ARFGEF3: variants seen among roughly 807,000 people sequenced by gnomAD.
ARFGEF3 encodes ARFGEF family member 3.
ARFGEF3 carries 96 observed loss-of-function variants against 221.7 expected under a neutral mutation model. That is an observed-to-expected ratio of 0.43 (90% confidence interval 0.37 to 0.51). The LOEUF (loss-of-function observed/expected upper bound fraction) is 0.51. Among genes scored for constraint, ARFGEF3 ranks in the 20% least tolerant of loss-of-function variants. ARFGEF3 has a pLI of 0.00. For missense variants in ARFGEF3, 2,410 were observed against 2,789.9 expected, an observed-to-expected ratio of 0.86 and a Z score of 3.07; for synonymous variants, 1,145 against 1,126.8, an observed-to-expected ratio of 1.02 and a Z score of -0.32.
intron 32 of ARFGEF3, among the ~76,000 whole-genome samples, chr6:138,331,837 A>C (rs1780233813): frequency 6.6e-6 from 1 of 152,238 alleles, no homozygotes; most frequent in Non-Finnish European, 1.5e-5. Context: ...TTGCATATCT[A>C]TAAAATTGTT....
intron 17 of ARFGEF3, among the ~76,000 whole-genome samples, chr6:138,288,047 C>A (rs956914696): frequency 4.0e-5 from 6 of 150,554 alleles, no homozygotes; most frequent in South Asian, 2.1e-4. Context: ...AAAAAAAAAA[C>A]CACAAAACCA....
intron 22 of ARFGEF3, among the ~76,000 whole-genome samples, chr6:138,301,396 A>G (rs930807261): frequency 6.6e-6 from 1 of 152,244 alleles, no homozygotes; most frequent in African/African-American, 2.4e-5. Flanking sequence ...CAAGAATAGT[A>G]GTTTGACCAG....
intron 8 of ARFGEF3, among the ~76,000 whole-genome samples, chr6:138,252,821 G>C (rs538314272): frequency 6.6e-6 from 1 of 152,250 alleles, no homozygotes; most frequent in Non-Finnish European, 1.5e-5. Flanking sequence ...CAATAAACAT[G>C]TCCCTGAAAA....
At chr6:138,206,951 G>A (rs1777634707) in intron 2 of ARFGEF3, 91 bp from the exon 3 acceptor site, 8 of 875,954 alleles carry the variant, frequency 9.1e-6, no homozygotes, top group Non-Finnish European at 1.5e-5. Flanking sequence ...TGTGTGTAGT[G>A]GCATTTGGGG....
At chr6:138,323,371 G>A (rs866397124) in intron 29 of ARFGEF3, among the ~76,000 whole-genome samples, 16 of 152,144 alleles carry the variant, frequency 1.1e-4, no homozygotes, top group Non-Finnish European at 1.8e-4. Context: ...CAGCACGTTG[G>A]GAGGCCGAGG....
chr6:138,305,873 A>G (rs955788902), intron 22 of ARFGEF3, among the ~76,000 whole-genome samples: 8 of 152,310 alleles, frequency 5.3e-5, no homozygotes, highest in Non-Finnish European at 1.2e-4. Flanking sequence ...GATAAGGGGC[A>G]TCTTTGAGAA....
intron 12 of ARFGEF3, among the ~76,000 whole-genome samples, chr6:138,275,811 A>T (rs1337644665): frequency 6.6e-6 from 1 of 152,014 alleles, no homozygotes; most frequent in Non-Finnish European, 1.5e-5. Context: ...GTAAATTTGT[A>T]TCTCTCATTT....
chr6:138,194,268 C>CAAAA (rs11349885), intron 2 of ARFGEF3, among the ~76,000 whole-genome samples: 1 of 92,966 alleles, frequency 1.1e-5, no homozygotes, highest in Non-Finnish European at 2.4e-5. Context: ...ACTCCGTCTC[C>CAAAA]AAAAAAAAAA....
In ARFGEF3 at chr6:138,207,124, GTA is replaced by G. The variant is rs751362993; in HGVS notation, c.219+3_219+4del. On this transcript the variant is annotated splice_donor_variant and splice_donor_region_variant and intron_variant, in intron 3 of 33. Coordinates refer to ENST00000251691, the MANE Select transcript of ARFGEF3 (RefSeq NM_020340.5). LOFTEE classifies it high-confidence loss of function. ...CCAACATGCTTTGGCAGGGATGCAG[GTA>G]TGGCTTTGACTGAATGCAATGGGAT... The G allele has an allele frequency of 6.2e-7, 1 of 1,608,852 alleles. No individual in the cohort carries two copies. The highest frequency in any genetic ancestry group is 1.1e-5 in the South Asian group (1 of 89,588).
At chr6:138,253,440 G>A (rs1448461343) in intron 8 of ARFGEF3, among the ~76,000 whole-genome samples, 1 of 152,196 alleles carries the variant, frequency 6.6e-6, no homozygotes. Context: ...TCAAGATCAA[G>A]GCGTCAGTGG....
At chr6:138,311,628 G>A in intron 25 of ARFGEF3, 118 bp downstream of exon 25, 1 of 668,472 alleles carries the variant, frequency 1.5e-6, no homozygotes, top group South Asian at 1.8e-5. Flanking sequence ...CGTCTGAGGA[G>A]ATTGGGGCGC....
At position 138,281,311 on chromosome 6, in the gene ARFGEF3, C is replaced by A. The variant is rs116659408; in HGVS notation, c.2461+1147C>A. 8.4e-3 allele frequency among the ~76,000 whole-genome samples: 1,277 copies of A among 152,238 alleles called. 12 individuals carry two copies. The highest frequency in any genetic ancestry group is 0.027 in the African/African-American group (1,105 of 41,540). Reference sequence around the variant, plus strand: ...AGAGTCTCATGTGATAGTTCTCTCTCTATATATAATTTCAACTATTACTTT... The same window carrying A: ...AGAGTCTCATGTGATAGTTCTCTCTATATATATAATTTCAACTATTACTTT... On this transcript the variant is annotated intron_variant, in intron 14 of 33. Transcript: ENST00000251691.
chr6:138,336,262 A>G, intron 33 of ARFGEF3, 33 bp from the exon 34 acceptor site: 1 of 1,457,218 alleles, frequency 6.9e-7, no homozygotes, highest in East Asian at 2.6e-5. Flanking sequence ...CCAGGGGGGA[A>G]AGCCACTGAT....
intron 14 of ARFGEF3, among the ~76,000 whole-genome samples, chr6:138,282,833 G>A (rs1298269668): frequency 6.6e-6 from 1 of 152,158 alleles, no homozygotes; most frequent in Admixed American, 6.5e-5. Context: ...TGGATCACTT[G>A]AGGTCAGGAG....
At chr6:138,323,965 A>G in intron 30 of ARFGEF3, 58 bp from the exon 31 acceptor site, 2 of 1,593,574 alleles carry the variant, frequency 1.3e-6, no homozygotes, top group Non-Finnish European at 1.7e-6. Flanking sequence ...CAGATCCAAG[A>G]CTGAGCCCGG....
At chr6:138,325,741 T>C (rs573470890) in intron 31 of ARFGEF3, among the ~76,000 whole-genome samples, 229 of 152,346 alleles carry the variant, frequency 1.5e-3, no homozygotes, top group Non-Finnish European at 2.8e-3. Context: ...AACAAAAATA[T>C]GAAAAAGTCA....
chr6:138,274,435 T>C (rs1779059093), intron 12 of ARFGEF3, among the ~76,000 whole-genome samples: 1 of 152,226 alleles, frequency 6.6e-6, no homozygotes, highest in Non-Finnish European at 1.5e-5. Flanking sequence ...AGGGCTGAGA[T>C]ACACTGCTCA....
In ARFGEF3 at chr6:138,209,917, T is replaced by C. The variant is rs764341526; in HGVS notation, c.227T>C (p.Leu76Pro). ...QHALAGMQKL[L>P]SEERFVSMET... ...CCTTGTGCCTCTTTACAGAAGCTTC[T>C]GTCGGAAGAGAGGTTTGTATCCATG... Residue 76 changes from leucine (L) to proline (P), a missense_variant, in exon 4 of 34, where the codon CTG becomes CCG. Leu to Pro is a moderately conservative substitution (Grantham distance 98). Coordinates refer to ENST00000251691, the MANE Select transcript of ARFGEF3 (RefSeq NM_020340.5). 1.9e-6 allele frequency: 3 copies of C among 1,613,518 alleles called. No homozygotes were observed. Among genetic ancestry groups the C allele is most frequent in the African/African-American group, 1.3e-5 (1 of 75,046 alleles).
At position 138,202,108 on chromosome 6, in the gene ARFGEF3, G is replaced by T. The variant is rs1019875579; in HGVS notation, c.138-4934G>T. Among the ~76,000 whole-genome samples, 12 of 152,178 alleles carry T rather than the reference G, an allele frequency of 7.9e-5. No homozygotes were observed. In the East Asian group the frequency reaches 9.6e-4, roughly 12 times the overall value. ...AATGGCATGTCAGGACATGAAACCT[G>T]GGGGCCACTGCCTTTATTTAGTTAG... On this transcript the variant is annotated intron_variant, in intron 2 of 33. Transcript: ENST00000251691.
Sources: gnomAD v4.1 joint callset for allele counts (sites outside exome capture counted in the v4.1 genomes callset) on GRCh38, gnomAD v4.1.1 for gene constraint, MANE v1.5 for transcripts, NCBI Gene and HGNC (gene_info 2026-07-23, HGNC 2026-07-21) for gene names.